The following FXR1 variants were observed in gnomAD, a reference collection of about 807,000 sequenced individuals.
FXR1 encodes FMR1 autosomal homolog 1.
Under a neutral mutation model 84.0 loss-of-function variants are expected in FXR1, and 15 were observed. That is an observed-to-expected ratio of 0.18 (90% CI 0.12 to 0.27). The LOEUF is 0.27. Among genes scored for constraint, FXR1 ranks in the 10% least tolerant of loss-of-function variants. FXR1 has a pLI of 1.00. For missense variants in FXR1, 480 were observed against 774.4 expected (o/e 0.62, Z 4.51); for synonymous variants, 245 against 250.7 (o/e 0.98, Z 0.21).
Position 180,953,969 on chromosome 3 carries a change from A to G in FXR1, c.880+129A>G, listed in dbSNP as rs1722487194. On this transcript the variant is annotated intron_variant, in intron 9 of 16. Coordinates refer to ENST00000357559, the MANE Select transcript of FXR1 (RefSeq NM_005087.4). ...TTATGTGTAGATTTATTTAGATAGC[A>G]ATACTTCTTTTCTTTTTTTGGTGAT... is the stretch of plus-strand genomic sequence containing the variant. 1.0e-5 allele frequency: 6 copies of G among 578,208 alleles called. No homozygotes were observed. In the South Asian group the frequency reaches 1.4e-4, roughly 14 times the overall value. The allele number at this position is 578,208 out of a possible 1,614,324, so 35.8% of individuals were successfully genotyped here.
At position 180,949,325 on chromosome 3, in the gene FXR1, G is replaced by T; in HGVS notation, c.612G>T (p.Glu204Asp). 1 of 1,510,874 alleles carries T rather than the reference G, an allele frequency of 6.6e-7. No individual in the cohort carries two copies. 93.6% of individuals were successfully genotyped at this position (1,510,874 alleles called of 1,614,324 possible). The change falls in exon 7 of 17, where the codon GAG becomes GAT. Residue 204 changes from glutamate to aspartate, a missense_variant. Physicochemically the swap from Glu to Asp is conservative, Grantham distance 45. This residue lies in a region of FXR1 where 136 missense variants were observed against 315.4 expected (regional missense o/e 0.43). Coordinates refer to ENST00000357559, the MANE Select transcript of FXR1 (RefSeq NM_005087.4). ...TKLMLMSRNE[E>D]ATKHLECTKQ... is the part of the protein sequence containing the mutation. ...TGATGCTTATGTCCAGAAATGAAGA[G>T]GCCACTAAGCATTTAGAAGTAAGTG... is the stretch of plus-strand genomic sequence containing the variant.
At chr3:180,949,613 G>T (rs1251003423) in intron 7 of FXR1, among the ~76,000 whole-genome samples, 2 of 152,158 alleles carry the variant, frequency 1.3e-5, no homozygotes, top group Non-Finnish European at 2.9e-5. Context: ...TCGAGCTCCT[G>T]GGCTCAAGTG....
chr3:180,962,253 A>G (rs1179044730), intron 11 of FXR1, among the ~76,000 whole-genome samples: 2 of 152,112 alleles, frequency 1.3e-5, no homozygotes, highest in Non-Finnish European at 2.9e-5. Flanking sequence ...CTATTTTGAG[A>G]TCACTCTGAT....
Position 180,979,424 on chromosome 3 carries a change from G to T in FXR1, c.*3132G>T, listed in dbSNP as rs1240274577. 2.0e-5 allele frequency: 3 copies of T among 152,002 alleles called. No individual in the cohort carries two copies. Among genetic ancestry groups the T allele is most frequent in the African/African-American group, 7.2e-5 (3 of 41,406 alleles). The allele number at this position is 152,002 out of a possible 1,614,324, so 9.4% of individuals were successfully genotyped here. A position where few individuals can be genotyped will look rare whatever the true frequency, so the allele number is the denominator to read the frequency against. ...TTTGAACTGTGAATCTACTGTTTTG[G>T]CAAAAAATCTCAAAGAAAAGGATGT... On this transcript the variant is annotated 3_prime_UTR_variant, in exon 17 of 17. Coordinates refer to ENST00000357559, the MANE Select transcript of FXR1 (RefSeq NM_005087.4).
At chr3:180,927,638 T>C (rs767234130) in intron 1 of FXR1, 16 of 574,364 alleles carry the variant, frequency 2.8e-5, no homozygotes, top group South Asian at 4.3e-5. Context: ...TGTACTTTTT[T>C]CCCCCACAGG....
At chr3:180,966,755 G>T (rs542546263) in intron 13 of FXR1, among the ~76,000 whole-genome samples, 1 of 152,242 alleles carries the variant, frequency 6.6e-6, no homozygotes, top group South Asian at 2.1e-4. Context: ...AAAAAATGGG[G>T]AGAGATCTGT....
chr3:180,950,464 G>A (rs926162066), intron 7 of FXR1, among the ~76,000 whole-genome samples: 1 of 151,902 alleles, frequency 6.6e-6, no homozygotes, highest in African/African-American at 2.4e-5. Context: ...GTGGGTTTTC[G>A]GTGGTTTTTT....
chr3:180,913,373 C>G (rs1221658625), intron 1 of FXR1, among the ~76,000 whole-genome samples: 1 of 152,126 alleles, frequency 6.6e-6, no homozygotes, highest in African/African-American at 2.4e-5. Flanking sequence ...AATTGGGCGG[C>G]GCCTTAGCCC....
chr3:180,915,524 C>T, intron 1 of FXR1: 2 of 1,477,152 alleles, frequency 1.4e-6, no homozygotes, highest in Non-Finnish European at 9.1e-7. Flanking sequence ...TACATGGTCA[C>T]TGAGGTAATT....
chr3:180,931,241 G>A (rs1026148000), intron 1 of FXR1, among the ~76,000 whole-genome samples: 1 of 151,924 alleles, frequency 6.6e-6, no homozygotes, highest in Non-Finnish European at 1.5e-5. Context: ...TCTTTGAGAT[G>A]GAGTTTTGCT....
At chr3:180,940,646 G>A (rs1309794597) in intron 3 of FXR1, among the ~76,000 whole-genome samples, 2 of 150,318 alleles carry the variant, frequency 1.3e-5, no homozygotes, top group African/African-American at 2.5e-5. Flanking sequence ...GCGCCATCTC[G>A]GCTCAGCGCA....
chr3:180,958,083 A>G (rs1711561063), intron 10 of FXR1, among the ~76,000 whole-genome samples, 155 bp downstream of exon 10: 1 of 152,188 alleles, frequency 6.6e-6, no homozygotes, highest in African/African-American at 2.4e-5. Context: ...TTAGAAAACA[A>G]GTCATTTTCT....
chr3:180,949,620 A>G (rs1722018087), intron 7 of FXR1, among the ~76,000 whole-genome samples: 1 of 152,138 alleles, frequency 6.6e-6, no homozygotes, highest in Non-Finnish European at 1.5e-5. Flanking sequence ...CCTGGGCTCA[A>G]GTGATTGCCC....
intron 13 of FXR1, among the ~76,000 whole-genome samples, chr3:180,967,850 G>A (rs1713032902): frequency 6.6e-6 from 1 of 152,008 alleles, no homozygotes; most frequent in Non-Finnish European, 1.5e-5. Flanking sequence ...TTAACTAGTA[G>A]ATACTATACT....
chr3:180,974,014 A>AT (rs1713907165), intron 15 of FXR1, among the ~76,000 whole-genome samples: 1 of 152,172 alleles, frequency 6.6e-6, no homozygotes, highest in South Asian at 2.1e-4. Context: ...TCTTTACATA[A>AT]TTAACTTGCT....
At position 180,931,026 on chromosome 3, in the gene FXR1, C is replaced by CAAAAAAA. The variant is rs57731098; in HGVS notation, c.52-2293_52-2287dup. ...CCTGGGCAACAGAGCGAGACTGCCT[C>CAAAAAAA]AAAAAAAAAAAAAAAAAAAAAGACG... is the stretch of plus-strand genomic sequence containing the variant. On this transcript the variant is annotated intron_variant, in intron 1 of 16. Coordinates refer to ENST00000357559, the MANE Select transcript of FXR1 (RefSeq NM_005087.4). 4.4e-3 allele frequency among the ~76,000 whole-genome samples: 244 copies of CAAAAAAA among 55,492 alleles called. 12 individuals are homozygous for CAAAAAAA. The highest frequency in any genetic ancestry group is 0.017 in the Middle Eastern group (1 of 60). The allele number at this position is 55,492 out of a possible 152,430, so 36.4% of individuals were successfully genotyped here.
chr3:180,941,377 G>A (rs1351874730), intron 3 of FXR1, among the ~76,000 whole-genome samples: 3 of 151,826 alleles, frequency 2.0e-5, no homozygotes, highest in Non-Finnish European at 4.4e-5. Flanking sequence ...ATTTTTTGTA[G>A]AGATGAGGTT....
chr3:180,949,623 G>T (rs1269694341), intron 7 of FXR1, among the ~76,000 whole-genome samples: 1 of 152,166 alleles, frequency 6.6e-6, no homozygotes, highest in African/African-American at 2.4e-5. Flanking sequence ...GGGCTCAAGT[G>T]ATTGCCCGCC....
chr3:180,949,706 A>G (rs1201677193), intron 7 of FXR1, among the ~76,000 whole-genome samples: 1 of 152,036 alleles, frequency 6.6e-6, no homozygotes, highest in African/African-American at 2.4e-5. Flanking sequence ...TATATTTTTC[A>G]AGTTCCTTGC....
Sources: gnomAD v4.1 joint callset for allele counts (sites outside exome capture counted in the v4.1 genomes callset) on GRCh38, gnomAD v4.1.1 for gene constraint, gnomAD v4.1.1 regional missense constraint, MANE v1.5 for transcripts, NCBI Gene and HGNC (gene_info 2026-07-23, HGNC 2026-07-21) for gene names.